PIGK: variants seen among roughly 807,000 people sequenced by gnomAD.
PIGK encodes GPI-anchor transamidase.
In PIGK, 42 loss-of-function variants were observed where a neutral mutation model predicts 50.6. That is an observed-to-expected ratio of 0.83 (90% CI 0.65 to 1.07). The LOEUF (loss-of-function observed/expected upper bound fraction) is 1.07. Ranked by LOEUF, PIGK falls within the 50% of genes least tolerant of loss-of-function variation. PIGK has a pLI of 0.00. For synonymous variants in PIGK, 151 were observed against 156.0 expected (o/e 0.97, Z 0.24); for missense variants, 448 against 488.7 (o/e 0.92, Z 0.78).
rs1363018131 is a variant in PIGK, at chr1:77,166,764, G to A, written c.442C>T (p.Arg148Cys). ...RIPPSTPRSK[R>C]LLSDDRSNIL... The stretch of plus-strand genomic sequence containing the variant: ...TTGCTTCTGTCATCAGAAAGAAGAC[G>A]TTTTGACCGAGGAGTACTAGGTGGG... Residue 148 changes from arginine to cysteine, a missense_variant, in exon 5 of 11, where the codon CGT (arginine) becomes TGT (cysteine). By Grantham distance (180) the Arg-to-Cys change is radical. Transcript: ENST00000370812. The A allele has an allele frequency of 1.1e-5, 17 of 1,599,330 alleles. No individual in the cohort carries two copies. In the East Asian group the frequency reaches 1.1e-4, roughly 11 times the overall value.
intron 3 of PIGK, chr1:77,195,461 G>A (rs931951465): frequency 1.6e-4 from 139 of 888,016 alleles, no homozygotes; most frequent in Non-Finnish European, 2.1e-4. Context: ...AAAATAGTTT[G>A]ACTCAGAAAA....
intron 9 of PIGK, among the ~76,000 whole-genome samples, chr1:77,130,190 T>C (rs74543969): frequency 1.8e-5 from 1 of 54,630 alleles, no homozygotes; most frequent in Non-Finnish European, 2.9e-5. Context: ...TTGCATTGTC[T>C]TTTTTTTTTT....
At chr1:77,141,124 T>C (rs1654640426) in intron 9 of PIGK, among the ~76,000 whole-genome samples, 1 of 152,154 alleles carries the variant, frequency 6.6e-6, no homozygotes, top group African/African-American at 2.4e-5. Context: ...ATATTAATTT[T>C]AATAAAACCC....
chr1:77,163,778 C>A, intron 6 of PIGK, 68 bp downstream of exon 6: 2 of 814,466 alleles, frequency 2.5e-6, no homozygotes, highest in Non-Finnish European at 3.9e-6. Context: ...ATAAAAATTA[C>A]AAATCTACGA....
chr1:77,207,832 GT>G (rs201009490), intron 2 of PIGK, among the ~76,000 whole-genome samples: 3 of 151,418 alleles, frequency 2.0e-5, no homozygotes, highest in African/African-American at 7.3e-5. Flanking sequence ...GAACTACATG[GT>G]TTTTTTTTAA....
At chr1:77,195,829 A>G (rs1656021530) in intron 3 of PIGK, among the ~76,000 whole-genome samples, 2 of 151,978 alleles carry the variant, frequency 1.3e-5, no homozygotes, top group Admixed American at 6.6e-5. Context: ...AAATATATAC[A>G]TTTTTTGACT....
At chr1:77,112,942 A>G (rs1653886643) in intron 10 of PIGK, among the ~76,000 whole-genome samples, 1 of 152,134 alleles carries the variant, frequency 6.6e-6, no homozygotes, top group South Asian at 2.1e-4. Flanking sequence ...TAAAACAAAT[A>G]CAGTTAGAAA....
intron 9 of PIGK, among the ~76,000 whole-genome samples, chr1:77,125,924 C>A (rs558701423): frequency 6.6e-6 from 1 of 152,014 alleles, no homozygotes; most frequent in Non-Finnish European, 1.5e-5. Flanking sequence ...CCATTCTTTA[C>A]GTCTTTTATT....
At chr1:77,147,251 A>G (rs756195611) in intron 9 of PIGK, among the ~76,000 whole-genome samples, 7 of 152,076 alleles carry the variant, frequency 4.6e-5, no homozygotes, top group Non-Finnish European at 8.8e-5. Flanking sequence ...AACCACCCCC[A>G]TGATTCAATT....
At chr1:77,127,087 C>T (rs1654249689) in intron 9 of PIGK, among the ~76,000 whole-genome samples, 2 of 152,084 alleles carry the variant, frequency 1.3e-5, no homozygotes, top group South Asian at 2.1e-4. Flanking sequence ...AGGATTTTGA[C>T]TCCAATAGAG....
intron 10 of PIGK, among the ~76,000 whole-genome samples, chr1:77,107,797 C>T (rs1448774158): frequency 2.0e-5 from 3 of 152,072 alleles, no homozygotes; most frequent in African/African-American, 7.2e-5. Flanking sequence ...TATATATTTA[C>T]GATAGTTAGC....
At position 77,163,879 on chromosome 1, in the gene PIGK, G is replaced by A. The variant is rs780683566; in HGVS notation, c.551C>T (p.Ala184Val). The stretch of plus-strand genomic sequence containing the variant: ...CTGCCACATTTGTTCAAAAGCATCC[G>A]CGAGTTCTATGTTGGTAATTTCTTC... ...DSEEITNIELADAFEQMWQKR... is the reference protein window; with the variant it reads ...DSEEITNIELVDAFEQMWQKR... The change falls in exon 6 of 11, where the codon GCG becomes GTG. Residue 184 changes from alanine to valine, a missense_variant. Ala to Val is a moderately conservative substitution (Grantham distance 64, BLOSUM62 0). Coordinates refer to ENST00000370812, the MANE Select transcript of PIGK (RefSeq NM_005482.3). 17 of 1,608,740 alleles carry A rather than the reference G, an allele frequency of 1.1e-5. No homozygotes were observed. The highest frequency in any genetic ancestry group is 2.2e-5 in the East Asian group (1 of 44,630).
chr1:77,185,885 C>T (rs1381713290), intron 3 of PIGK, among the ~76,000 whole-genome samples: 1 of 152,206 alleles, frequency 6.6e-6, no homozygotes, highest in Admixed American at 6.5e-5. Flanking sequence ...AACTATTCTC[C>T]TTTTGAGAGA....
intron 3 of PIGK, among the ~76,000 whole-genome samples, chr1:77,181,593 C>T (rs760529581): frequency 1.3e-5 from 2 of 152,132 alleles, no homozygotes; most frequent in Non-Finnish European, 1.5e-5. Context: ...TCAGGCTTAT[C>T]TTCCAGAAAA....
At chr1:77,096,900 T>C (rs1216469312) in intron 10 of PIGK, among the ~76,000 whole-genome samples, 1 of 142,374 alleles carries the variant, frequency 7.0e-6, no homozygotes, top group Non-Finnish European at 1.5e-5. Flanking sequence ...TTTTTTTTGT[T>C]TTTTTGTTTT....
intron 9 of PIGK, among the ~76,000 whole-genome samples, chr1:77,151,197 A>G (rs1267858850): frequency 6.6e-6 from 1 of 152,208 alleles, no homozygotes; most frequent in Non-Finnish European, 1.5e-5. Flanking sequence ...GGTTCAATAC[A>G]TGCAAATCAA....
intron 3 of PIGK, among the ~76,000 whole-genome samples, chr1:77,191,012 G>A (rs1192097050): frequency 6.6e-6 from 1 of 152,184 alleles, no homozygotes; most frequent in Non-Finnish European, 1.5e-5. Context: ...GTACAGCGTT[G>A]ACAAGTTCTC....
intron 9 of PIGK, among the ~76,000 whole-genome samples, chr1:77,148,442 A>T (rs1258656634): frequency 1.3e-5 from 2 of 152,220 alleles, no homozygotes; most frequent in African/African-American, 4.8e-5. Context: ...TATTTAAAGT[A>T]ATTTTCTCCT....
Position 77,210,366 on chromosome 1 carries a change from T to C in PIGK, c.147+70A>G, listed in dbSNP as rs1332511281. The C allele has an allele frequency of 4.6e-6, 4 of 862,828 alleles. No individual in the cohort carries two copies. In the East Asian group the frequency reaches 8.9e-5, roughly 19 times the overall value. 53.4% of individuals were successfully genotyped at this position (862,828 alleles called of 1,614,324 possible). Reference sequence around the variant, plus strand: ...AAAAATAAATTGTATTTTCAAAAATTTGATTCACACAAATTTCTCAGATAC... The same window carrying C: ...AAAAATAAATTGTATTTTCAAAAATCTGATTCACACAAATTTCTCAGATAC... On this transcript the variant is annotated intron_variant, in intron 2 of 10. Transcript: ENST00000370812.
Sources: gnomAD v4.1 joint callset for allele counts (sites outside exome capture counted in the v4.1 genomes callset) on GRCh38, gnomAD v4.1.1 for gene constraint, MANE v1.5 for transcripts, NCBI Gene and HGNC (gene_info 2026-07-23, HGNC 2026-07-21) for gene names.